The following DAB1 variants were observed in gnomAD, a reference collection of about 807,000 sequenced individuals.
DAB1 encodes the protein DAB adaptor protein 1, also known as disabled homolog 1.
Under a neutral mutation model 64.6 loss-of-function variants are expected in DAB1, and 15 were observed. That is an observed-to-expected ratio of 0.23 (90% CI 0.16 to 0.36). The LOEUF is 0.36. DAB1 is among the 10% of genes least tolerant of loss of function. The pLI, the probability that DAB1 is intolerant of heterozygous loss-of-function variation, is 1.00. For synonymous variants in DAB1, 235 were observed against 251.9 expected (o/e 0.93, Z 0.64); for missense variants, 596 against 706.7 (o/e 0.84, Z 1.78).
At chr1:57,891,635 A>G (rs539794821) in intron 5 of DAB1, among the ~76,000 whole-genome samples, 1 of 152,320 alleles carries the variant, frequency 6.6e-6, no homozygotes, top group East Asian at 1.9e-4. Flanking sequence ...TAGACTGGAT[A>G]AAGAAAATGT....
chr1:57,566,265 C>T (rs1028686428), intron 7 of DAB1, among the ~76,000 whole-genome samples: 5 of 152,188 alleles, frequency 3.3e-5, no homozygotes, highest in Non-Finnish European at 5.9e-5. Flanking sequence ...CTCTGGGACA[C>T]ATTCAAAGCA....
At chr1:58,205,300 TTG>T (rs1042147924) in intron 4 of DAB1, among the ~76,000 whole-genome samples, 2 of 152,176 alleles carry the variant, frequency 1.3e-5, no homozygotes, top group African/African-American at 4.8e-5. Flanking sequence ...TCTGCAAAGA[TTG>T]TGTTATTTTA....
At chr1:57,453,990 A>G (rs2101160749) in intron 7 of DAB1, among the ~76,000 whole-genome samples, 1 of 152,246 alleles carries the variant, frequency 6.6e-6, no homozygotes, top group African/African-American at 2.4e-5. Context: ...ACTCTTTCAC[A>G]AGTATTTCCC....
chr1:57,299,927 T>C (rs562831283), intron 1 of DAB1, among the ~76,000 whole-genome samples: 1 of 152,300 alleles, frequency 6.6e-6, no homozygotes, highest in East Asian at 1.9e-4. Context: ...GCTATATAAA[T>C]TGTCATAGCT....
intron 4 of DAB1, among the ~76,000 whole-genome samples, chr1:58,309,759 ACTGTATTAAT>A (rs1246292302): frequency 6.6e-6 from 1 of 152,062 alleles, no homozygotes; most frequent in Non-Finnish European, 1.5e-5. Flanking sequence ...AGTACTAATG[ACTGTATTAAT>A]AAATGCTCTA....
chr1:57,846,495 C>G (rs746053696), intron 1 of DAB1, among the ~76,000 whole-genome samples: 1 of 151,840 alleles, frequency 6.6e-6, no homozygotes, highest in African/African-American at 2.4e-5. Context: ...TCCTCTCCTC[C>G]CTCCTGTATT....
intron 2 of DAB1, among the ~76,000 whole-genome samples, chr1:57,175,590 C>T (rs186792605): frequency 6.6e-6 from 1 of 152,270 alleles, no homozygotes; most frequent in East Asian, 1.9e-4. Context: ...GATGTAGCTC[C>T]TTGGTGAACA....
Position 57,023,652 on chromosome 1 carries a change from G to A in DAB1, c.787-13C>T, listed in dbSNP as rs755560939. On this transcript the variant is annotated splice_polypyrimidine_tract_variant and intron_variant, in intron 10 of 14. Transcript: ENST00000371236. ...GAGTTGCAGGAGTCTGCCAGACAGA[G>A]AGAGGCAGAGGACACATGAGACCTG... 3.2e-6 allele frequency: 5 copies of A among 1,555,642 alleles called. No homozygotes were observed. The highest frequency in any genetic ancestry group is 2.3e-5 in the South Asian group (2 of 87,702).
intron 5 of DAB1, among the ~76,000 whole-genome samples, chr1:57,947,797 T>C (rs1645205891): frequency 6.6e-6 from 1 of 152,170 alleles, no homozygotes; most frequent in East Asian, 1.9e-4. Flanking sequence ...CTTTAAAGAA[T>C]GTGTAAGGCT....
chr1:57,142,633 C>CACAT (rs1174917998), intron 3 of DAB1, among the ~76,000 whole-genome samples: 4 of 118,510 alleles, frequency 3.4e-5, no homozygotes, highest in Non-Finnish European at 4.0e-5. Flanking sequence ...CACACACATA[C>CACAT]ACACACACAC....
chr1:57,376,460 A>G (rs764289822), intron 1 of DAB1, among the ~76,000 whole-genome samples: 2 of 152,252 alleles, frequency 1.3e-5, no homozygotes, highest in Non-Finnish European at 2.9e-5. Flanking sequence ...AGATTAATAA[A>G]GTGAGAATTT....
rs540603816 is a variant in DAB1 at position 57,017,288 on chromosome 1, T to C, written c.896-1857A>G. Among the ~76,000 whole-genome samples, 3 of 152,182 alleles carry C rather than the reference T, an allele frequency of 2.0e-5. No homozygotes were observed. The East Asian group carries it at 5.8e-4, about 29-fold the overall frequency. On this transcript the variant is annotated intron_variant, in intron 11 of 14. Transcript: ENST00000371236. Reference sequence around the variant, plus strand: ...TGGCCTCTCAAAACTAGCCTTTCCATGGCTGTCAGTAGGAATGTACCGAGG... The same window carrying C: ...TGGCCTCTCAAAACTAGCCTTTCCACGGCTGTCAGTAGGAATGTACCGAGG...
At chr1:57,164,849 C>T (rs1175944147) in intron 2 of DAB1, among the ~76,000 whole-genome samples, 1 of 152,096 alleles carries the variant, frequency 6.6e-6, no homozygotes, top group African/African-American at 2.4e-5. Flanking sequence ...AATATGCCCT[C>T]CTATTACAGT....
intron 2 of DAB1, among the ~76,000 whole-genome samples, chr1:57,204,078 T>C (rs1403930320): frequency 1.3e-5 from 2 of 152,012 alleles, no homozygotes; most frequent in African/African-American, 4.8e-5. Flanking sequence ...TTAGTAGAGA[T>C]GAGGTTTCAC....
At chr1:58,086,785 C>G (rs1650341134) in intron 5 of DAB1, among the ~76,000 whole-genome samples, 3 of 151,788 alleles carry the variant, frequency 2.0e-5, no homozygotes, top group African/African-American at 7.3e-5. Flanking sequence ...AATTTCTTCC[C>G]TTTGTTCTCT....
intron 5 of DAB1, among the ~76,000 whole-genome samples, chr1:58,019,388 T>A (rs1441252676): frequency 6.6e-6 from 1 of 152,142 alleles, no homozygotes; most frequent in African/African-American, 2.4e-5. Context: ...TATTAATAAC[T>A]TTTACCTCAT....
At chr1:57,920,909 C>G (rs986657766) in intron 5 of DAB1, among the ~76,000 whole-genome samples, 3 of 151,840 alleles carry the variant, frequency 2.0e-5, no homozygotes, top group Admixed American at 2.0e-4. Flanking sequence ...TTAAATATAC[C>G]CATCCCTTCT....
At chr1:58,380,990 A>T (rs1644381856) in intron 3 of DAB1, among the ~76,000 whole-genome samples, 1 of 152,242 alleles carries the variant, frequency 6.6e-6, no homozygotes, top group East Asian at 1.9e-4. Context: ...TGTCCTTTGC[A>T]GGGACATAGA....
chr1:57,775,706 A>G lies in DAB1; in HGVS notation n.551+108293T>C, dbSNP rs560708407. ...TGTTGAGTGTTGAGTTTTATAAAAT[A>G]TTATTTCAAATTGGTTGATCATACT... On this transcript the variant is annotated intron_variant and non_coding_transcript_variant, in intron 6 of 20. Coordinates refer to the DAB1 transcript ENST00000485760. 2.6e-5 allele frequency among the ~76,000 whole-genome samples: 4 copies of G among 151,768 alleles called. No homozygotes were observed. In the South Asian group the frequency reaches 8.3e-4, roughly 31 times the overall value.
Sources: allele counts gnomAD v4.1 joint callset (sites outside exome capture counted in the v4.1 genomes callset), GRCh38; gene constraint gnomAD v4.1.1; transcripts MANE v1.5; gene names NCBI Gene and HGNC (gene_info 2026-07-23, HGNC 2026-07-21).